Variants in EYA1 observed in about 807,000 individuals in gnomAD.
EYA1 encodes the protein EYA transcriptional coactivator and phosphatase 1.
EYA1 carries 16 observed loss-of-function variants against 82.0 expected under a neutral mutation model. The ratio of observed to expected loss-of-function variants is 0.20; its 90% confidence interval spans 0.13 to 0.30. EYA1 has a LOEUF of 0.30. EYA1 is among the 10% of genes least tolerant of loss of function. The probability of loss-of-function intolerance (pLI) is 1.00; values close to 1 mark genes in which losing one functional copy is unlikely to be tolerated. For missense variants in EYA1, 633 were observed against 730.7 expected, an observed-to-expected ratio of 0.87 and a Z score of 1.54; for synonymous variants, 261 against 264.4, an observed-to-expected ratio of 0.99 and a Z score of 0.12.
chr8:71,265,822 T>C (rs1411001914), intron 11 of EYA1, among the ~76,000 whole-genome samples: 1 of 152,240 alleles, frequency 6.6e-6, no homozygotes, highest in Admixed American at 6.5e-5. Flanking sequence ...TAAAACATCC[T>C]AGTTTACGTA....
intron 3 of EYA1, among the ~76,000 whole-genome samples, chr8:71,335,109 T>C (rs758354284): frequency 6.6e-6 from 1 of 152,236 alleles, no homozygotes; most frequent in Non-Finnish European, 1.5e-5. Context: ...CCCTGCTTTG[T>C]GGAAGGTATT....
chr8:71,236,912 A>C (rs1811904487), intron 12 of EYA1, among the ~76,000 whole-genome samples: 1 of 152,208 alleles, frequency 6.6e-6, no homozygotes, highest in South Asian at 2.1e-4. Context: ...ATATTATGAA[A>C]CTGCTTTTCT....
chr8:71,511,856 G>A (rs986898710), intron 2 of EYA1, among the ~76,000 whole-genome samples: 1 of 152,136 alleles, frequency 6.6e-6, no homozygotes, highest in Non-Finnish European at 1.5e-5. Flanking sequence ...AAAGCAGGAA[G>A]GGGAGAAAAA....
rs563003403 is a variant in EYA1, at chr8:71,318,649, G to A, written c.419-960C>T. ...GAGGGAGGGAAGAAAAATTTCTGCC[G>A]AGGGAATTCACATTTTTTAATAATT... On this transcript the variant is annotated intron_variant, in intron 6 of 17. Transcript: ENST00000340726. Among the ~76,000 whole-genome samples the A allele has an allele frequency of 7.9e-5, 12 of 152,238 alleles. No individual in the cohort carries two copies. The East Asian group carries it at 1.9e-3, about 24-fold the overall frequency.
intron 17 of EYA1, among the ~76,000 whole-genome samples, chr8:71,208,770 C>A (rs1374079353): frequency 6.6e-6 from 1 of 152,160 alleles, no homozygotes; most frequent in East Asian, 1.9e-4. Context: ...TCAAAGACAG[C>A]AAATACTCTA....
intron 11 of EYA1, among the ~76,000 whole-genome samples, chr8:71,264,861 G>A (rs537224459): frequency 1.3e-5 from 2 of 152,016 alleles, no homozygotes; most frequent in Non-Finnish European, 1.5e-5. Flanking sequence ...GGGATTACAC[G>A]CATAAACCAC....
At chr8:71,494,073 GA>G (rs1811231586) in intron 2 of EYA1, among the ~76,000 whole-genome samples, 1 of 135,546 alleles carries the variant, frequency 7.4e-6, no homozygotes, top group Non-Finnish European at 1.6e-5. Context: ...CAAAGGATTA[GA>G]TTAGATTAAT....
intron 2 of EYA1, among the ~76,000 whole-genome samples, chr8:71,443,750 G>A (rs1019502534): frequency 2.6e-5 from 4 of 152,154 alleles, no homozygotes; most frequent in Non-Finnish European, 5.9e-5. Flanking sequence ...TGATATTACT[G>A]TAAGCCCAGT....
Position 71,361,999 on chromosome 8 carries a change from G to T in EYA1, c.-407C>A. 1 of 985,400 alleles carries T rather than the reference G, an allele frequency of 1.0e-6. No homozygotes were observed. Among genetic ancestry groups the T allele is most frequent in the Non-Finnish European group, 1.2e-6 (1 of 829,948 alleles). The allele number at this position is 985,400 out of a possible 1,614,324, so 61.0% of individuals were successfully genotyped here. A position where few individuals can be genotyped will look rare whatever the true frequency, so the allele number is the denominator to read the frequency against. On this transcript the variant is annotated 5_prime_UTR_variant, in exon 1 of 18. Coordinates refer to ENST00000340726, the MANE Select transcript of EYA1 (RefSeq NM_000503.6). ...AAACTCGGAGCCATCAGCTCCCACC[G>T]TTCTGTTTGGTAACAGCTTTGCGCC...
chr8:71,205,769 A>G (rs1471747241), intron 17 of EYA1, among the ~76,000 whole-genome samples: 4 of 152,212 alleles, frequency 2.6e-5, no homozygotes, highest in Non-Finnish European at 4.4e-5. Flanking sequence ...TGTGATTTAA[A>G]AAAAGTAACA....
At chr8:71,388,029 C>T (rs1366211036) in intron 2 of EYA1, among the ~76,000 whole-genome samples, 1 of 152,132 alleles carries the variant, frequency 6.6e-6, no homozygotes, top group African/African-American at 2.4e-5. Flanking sequence ...TAAGCCTGCA[C>T]ACATTGACTA....
At chr8:71,416,852 T>C (rs537280540) in intron 2 of EYA1, among the ~76,000 whole-genome samples, 2 of 152,282 alleles carry the variant, frequency 1.3e-5, no homozygotes, top group African/African-American at 4.8e-5. Flanking sequence ...TAATATTGAG[T>C]GTCACCTTGA....
chr8:71,522,412 G>A (rs1321696285), intron 2 of EYA1, among the ~76,000 whole-genome samples: 1 of 152,100 alleles, frequency 6.6e-6, no homozygotes, highest in African/African-American at 2.4e-5. Context: ...TGCTTAGAAT[G>A]GTCTCTGCTA....
chr8:71,321,710 C>T (rs746373693), intron 6 of EYA1, 24 bp downstream of exon 6: 1 of 1,612,888 alleles, frequency 6.2e-7, no homozygotes, highest in Non-Finnish European at 8.5e-7. Context: ...GATAACGCCA[C>T]CACTACAGTT....
chr8:71,459,352 C>T (rs992972210), intron 2 of EYA1, among the ~76,000 whole-genome samples: 1 of 152,116 alleles, frequency 6.6e-6, no homozygotes, highest in African/African-American at 2.4e-5. Context: ...TTTCTCCTCG[C>T]TTCATGGGTA....
chr8:71,297,658 A>C (rs1563418975), intron 9 of EYA1, among the ~76,000 whole-genome samples: 1 of 152,166 alleles, frequency 6.6e-6, no homozygotes, highest in Non-Finnish European at 1.5e-5. Context: ...ACCTTTCCTC[A>C]TGATGCCTAT....
intron 14 of EYA1, 44 bp downstream of exon 14, chr8:71,216,648 C>A: frequency 6.3e-7 from 1 of 1,599,172 alleles, no homozygotes; most frequent in Non-Finnish European, 8.6e-7. Flanking sequence ...GGAATTGTAT[C>A]TGGACTGTCT....
chr8:71,212,457 G>A (rs1053552959), intron 16 of EYA1, among the ~76,000 whole-genome samples: 14 of 152,174 alleles, frequency 9.2e-5, no homozygotes, highest in African/African-American at 2.2e-4. Flanking sequence ...CTCTCCTTAC[G>A]GGGAAATGCT....
chr8:71,412,255 G>A (rs1830639119), intron 2 of EYA1, among the ~76,000 whole-genome samples: 1 of 138,074 alleles, frequency 7.2e-6, no homozygotes, highest in African/African-American at 2.7e-5. Context: ...GGGAGGGATA[G>A]CATTGGGAGA....
Sources: allele counts gnomAD v4.1 joint callset (sites outside exome capture counted in the v4.1 genomes callset), GRCh38; gene constraint gnomAD v4.1.1; transcripts MANE v1.5; gene names NCBI Gene and HGNC (gene_info 2026-07-23, HGNC 2026-07-21).